The following CDH8 variants were observed in gnomAD, a reference collection of about 807,000 sequenced individuals.
CDH8 encodes the protein cadherin-8.
Under a neutral mutation model 68.1 loss-of-function variants are expected in CDH8, and 17 were observed. The ratio of observed to expected loss-of-function variants is 0.25; its 90% CI spans 0.17 to 0.37. CDH8 has a LOEUF of 0.37. Ranked by LOEUF, CDH8 falls within the 10% of genes least tolerant of loss-of-function variation. The pLI, the probability that CDH8 is intolerant of heterozygous loss-of-function variation, is 1.00. For synonymous variants in CDH8, 372 were observed against 365.1 expected (o/e 1.02, Z -0.21); for missense variants, 763 against 999.3 (o/e 0.76, Z 3.19).
chr16:62,002,193 GA>G (rs1555528643), intron 2 of CDH8, among the ~76,000 whole-genome samples: 2 of 151,840 alleles, frequency 1.3e-5, no homozygotes, highest in Non-Finnish European at 2.9e-5. Context: ...TATTGATTTT[GA>G]AAAAAAGAAA....
At chr16:61,869,578 C>T (rs925399647) in intron 3 of CDH8, among the ~76,000 whole-genome samples, 1 of 152,172 alleles carries the variant, frequency 6.6e-6, no homozygotes, top group South Asian at 2.1e-4. Context: ...ACATTGAAGA[C>T]TTCTTACAAA....
chr16:62,025,043 AAT>A (rs1902164420), intron 1 of CDH8, among the ~76,000 whole-genome samples: 1 of 152,184 alleles, frequency 6.6e-6, no homozygotes, highest in Non-Finnish European at 1.5e-5. Flanking sequence ...GTTTAAAAGA[AAT>A]ACAGAGTGAT....
At position 61,901,440 on chromosome 16, in the gene CDH8, T is replaced by A; in HGVS notation, c.286A>T (p.Ile96Phe). 6.2e-7 allele frequency: 1 copy of A among 1,612,848 alleles called. No homozygotes were observed. ...CCATCACCTGATAGGATATACTTGA[T>A]TTTTTTGCTCCCAGGATCCAGGTCT... Reference protein sequence around the residue: ...HTDLDPGSKKIKYILSGDGAG... With the variant: ...HTDLDPGSKKFKYILSGDGAG... Residue 96 changes from isoleucine (I) to phenylalanine (F), a missense_variant, in exon 3 of 12, where the codon ATC (isoleucine) becomes TTC (phenylalanine). By Grantham distance (21) the Ile-to-Phe change is conservative. This residue lies in a region of CDH8 where 366 missense variants were observed against 563.1 expected (regional missense o/e 0.65). Transcript: ENST00000577390.
At chr16:61,992,844 A>G (rs1965748879) in intron 2 of CDH8, among the ~76,000 whole-genome samples, 1 of 152,134 alleles carries the variant, frequency 6.6e-6, no homozygotes, top group Non-Finnish European at 1.5e-5. Flanking sequence ...GCTGGAGTGC[A>G]GTGGCACAAT....
intron 5 of CDH8, among the ~76,000 whole-genome samples, chr16:61,823,233 A>G (rs1962254470): frequency 6.6e-6 from 1 of 151,850 alleles, no homozygotes; most frequent in East Asian, 1.9e-4. Flanking sequence ...ATCATCAAAG[A>G]TACCTCAAAT....
At chr16:61,865,986 G>A (rs1377229284) in intron 3 of CDH8, among the ~76,000 whole-genome samples, 2 of 152,160 alleles carry the variant, frequency 1.3e-5, no homozygotes. Context: ...TGGAGGGTGA[G>A]GCAGGTGGAT....
Position 61,758,264 on chromosome 16 carries a change from A to T in CDH8, c.1415-31049T>A, listed in dbSNP as rs542325816. ...AGAAAAAAAGAAAATGCCCCTAGTG[A>T]ATTTGATGATTTAATTAAAGAGATT... On this transcript the variant is annotated intron_variant, in intron 8 of 11. Transcript: ENST00000577390. 5.9e-5 allele frequency among the ~76,000 whole-genome samples: 9 copies of T among 152,302 alleles called. No homozygotes were observed. In the East Asian group the frequency reaches 1.7e-3, roughly 29 times the overall value.
intron 10 of CDH8, among the ~76,000 whole-genome samples, chr16:61,689,669 GA>G (rs1964179667): frequency 6.6e-6 from 1 of 152,034 alleles, no homozygotes; most frequent in African/African-American, 2.4e-5. Flanking sequence ...TGTAAGCCAA[GA>G]TGCAATACTT....
rs1257499991 is a variant in CDH8, at chr16:62,036,221, C to T, written c.-341G>A. The T allele has an allele frequency of 6.6e-6, 1 of 151,934 alleles. No homozygotes were observed. Among genetic ancestry groups the T allele is most frequent in the Non-Finnish European group, 1.5e-5 (1 of 68,186 alleles). The allele number at this position is 151,934 out of a possible 1,614,324, so 9.4% of individuals were successfully genotyped here. A position where few individuals can be genotyped will look rare whatever the true frequency, so the allele number is the denominator to read the frequency against. ...GCGCCTCCGGATTCCGTTCATGCCT[C>T]TCGGAGCTACAGGGCTTGGTGCGGA... On this transcript the variant is annotated 5_prime_UTR_variant, in exon 1 of 12. Coordinates refer to ENST00000577390, the MANE Select transcript of CDH8 (RefSeq NM_001796.5).
At chr16:61,788,235 T>C (rs1044613005) in intron 8 of CDH8, among the ~76,000 whole-genome samples, 1 of 152,168 alleles carries the variant, frequency 6.6e-6, no homozygotes, top group Admixed American at 6.5e-5. Flanking sequence ...CCTGGATTAC[T>C]CTTTTTTAAA....
chr16:61,713,367 GAACT>G (rs1219392199), intron 10 of CDH8, among the ~76,000 whole-genome samples: 5 of 151,622 alleles, frequency 3.3e-5, no homozygotes, highest in Admixed American at 2.6e-4. Context: ...AGGATTTTCT[GAACT>G]AACTGTTATT....
intron 7 of CDH8, among the ~76,000 whole-genome samples, chr16:61,813,593 G>A (rs1434008210): frequency 6.6e-6 from 1 of 152,188 alleles, no homozygotes; most frequent in African/African-American, 2.4e-5. Context: ...GGAGAAGCCT[G>A]GTCTCCAGTT....
intron 3 of CDH8, among the ~76,000 whole-genome samples, chr16:61,900,032 T>A (rs1381698711): frequency 6.6e-6 from 1 of 152,214 alleles, no homozygotes; most frequent in East Asian, 1.9e-4. Flanking sequence ...AGACACTATA[T>A]GTCTGTATAC....
intron 8 of CDH8, among the ~76,000 whole-genome samples, chr16:61,736,098 GGAAA>G (rs1260262826): frequency 5.5e-4 from 55 of 99,478 alleles, no homozygotes; most frequent in African/African-American, 1.9e-3. Flanking sequence ...CAAGAAAGAA[GGAAA>G]GAAAGAAAGA....
Position 61,824,080 on chromosome 16 carries a change from A to C in CDH8, c.835+932T>G, listed in dbSNP as rs570437263. Among the ~76,000 whole-genome samples, 25 of 152,010 alleles carry C rather than the reference A, an allele frequency of 1.6e-4. No individual in the cohort carries two copies. In the South Asian group the frequency reaches 1.9e-3, roughly 11 times the overall value. On this transcript the variant is annotated intron_variant, in intron 5 of 11. Coordinates refer to ENST00000577390, the MANE Select transcript of CDH8 (RefSeq NM_001796.5). The stretch of plus-strand genomic sequence containing the variant: ...AGTTGTGGTGTATATTTATACAATG[A>C]AATATTATTCAGCCTTTAAAAAGGA...
chr16:61,836,850 T>C (rs2143006531), intron 4 of CDH8, among the ~76,000 whole-genome samples: 1 of 152,098 alleles, frequency 6.6e-6, no homozygotes, highest in South Asian at 2.1e-4. Flanking sequence ...AAGTGAAAGG[T>C]GTTCAAGTAC....
At chr16:61,879,076 C>T (rs1189473443) in intron 3 of CDH8, among the ~76,000 whole-genome samples, 1 of 152,104 alleles carries the variant, frequency 6.6e-6, no homozygotes, top group Non-Finnish European at 1.5e-5. Flanking sequence ...AGATGTGAAT[C>T]TTATATTTCA....
At chr16:61,910,257 A>AT (rs1292061315) in intron 2 of CDH8, among the ~76,000 whole-genome samples, 1 of 151,848 alleles carries the variant, frequency 6.6e-6, no homozygotes, top group African/African-American at 2.4e-5. Context: ...TACATCAAGA[A>AT]TGCTCAAATT....
At chr16:62,035,032 G>T (rs1234981651) in intron 1 of CDH8, 1 of 152,232 alleles carries the variant, frequency 6.6e-6, no homozygotes, top group Non-Finnish European at 1.5e-5. Flanking sequence ...CAGACTGGGT[G>T]GGGGAAGGCT....
Sources: allele counts gnomAD v4.1 joint callset (sites outside exome capture counted in the v4.1 genomes callset), GRCh38; gene constraint gnomAD v4.1.1; regional missense constraint gnomAD v4.1.1; transcripts MANE v1.5; gene names NCBI Gene and HGNC (gene_info 2026-07-23, HGNC 2026-07-21).